ATPAF2: variants seen among roughly 807,000 people sequenced by gnomAD.
The protein encoded by ATPAF2 is ATP synthase mitochondrial F1 complex assembly factor 2.
ATPAF2 carries 30 observed loss-of-function variants against 36.6 expected under a neutral mutation model. The observed-to-expected ratio is 0.82, with a 90% CI of 0.61 to 1.11. The LOEUF (loss-of-function observed/expected upper bound fraction) is 1.11. Among genes scored for constraint, ATPAF2 ranks in the 50% most tolerant of loss-of-function variants. The pLI is 0.00. For missense variants in ATPAF2, 321 were observed against 372.3 expected (o/e 0.86, Z 1.13); for synonymous variants, 140 against 152.6 (o/e 0.92, Z 0.61).
downstream of ATPAF2, among the ~76,000 whole-genome samples, chr17:18,017,463 C>T (rs957903337): frequency 2.0e-5 from 3 of 152,230 alleles, no homozygotes; most frequent in African/African-American, 7.2e-5. Flanking sequence ...CTGCAGCTCC[C>T]ACCACAGTGC....
chr17:18,026,453 C>T (rs771481418), intron 3 of ATPAF2, 37 bp from the exon 4 acceptor site: 35 of 1,545,486 alleles, frequency 2.3e-5, no homozygotes, highest in Admixed American at 1.3e-4. Flanking sequence ...TCACTGCCTG[C>T]GGGGCTCAGG....
chr17:18,029,792 T>C (rs1195945161), intron 1 of ATPAF2, among the ~76,000 whole-genome samples: 1 of 145,164 alleles, frequency 6.9e-6, no homozygotes, highest in African/African-American at 2.6e-5. Context: ...AGTTTTGCCA[T>C]GCCAGCCAGG....
chr17:18,037,104 T>G (rs1287795796), intron 1 of ATPAF2, among the ~76,000 whole-genome samples: 1 of 152,044 alleles, frequency 6.6e-6, no homozygotes, highest in Non-Finnish European at 1.5e-5. Flanking sequence ...AATAAATAAA[T>G]TAATTAACCC....
downstream of ATPAF2, chr17:18,016,137 A>G (rs2044354274): frequency 1.2e-6 from 2 of 1,614,008 alleles, no homozygotes; most frequent in Non-Finnish European, 1.7e-6. Flanking sequence ...AAGATTGACA[A>G]TCGAGAAGAT....
rs1006631501 is a variant in ATPAF2, at chr17:18,021,067, C to G, written c.732+56G>C. 1.1e-5 allele frequency: 18 copies of G among 1,572,730 alleles called. No individual in the cohort carries two copies. The African/African-American group carries it at 1.8e-4, about 15-fold the overall frequency. On this transcript the variant is annotated intron_variant, in intron 7 of 7. Coordinates refer to ENST00000474627, the MANE Select transcript of ATPAF2 (RefSeq NM_145691.4). ...TATTTCAGATGGGTTAGCTGCTCCC[C>G]CAAAGTGAGTCTGAACTAGGAAGGG...
intron 3 of ATPAF2, among the ~76,000 whole-genome samples, chr17:18,027,413 G>C (rs2044563905): frequency 2.6e-5 from 4 of 152,084 alleles, no homozygotes; most frequent in Admixed American, 2.6e-4. Flanking sequence ...GCAGCGGCTG[G>C]GATGATAGCA....
downstream of ATPAF2, chr17:18,016,674 G>T: frequency 8.2e-6 from 13 of 1,594,746 alleles, no homozygotes; most frequent in Non-Finnish European, 1.1e-5. Context: ...TAGACTAGAT[G>T]AATGTCAGCC....
chr17:18,026,528 C>T (rs1227786759), intron 3 of ATPAF2, 112 bp from the exon 4 acceptor site: 3 of 839,170 alleles, frequency 3.6e-6, no homozygotes, highest in Non-Finnish European at 6.3e-6. Context: ...CAGCACAGCC[C>T]TCCACCAGAG....
At position 18,037,475 on chromosome 17, in the gene ATPAF2, T is replaced by C. The variant is rs8082271; in HGVS notation, c.133+1406A>G. ...GGCAGACGCCTGTAGTCCCACCTACTTGGGAGGCTGAGACCACAAAATCGC... is the reference window on the plus strand; with the variant it reads ...GGCAGACGCCTGTAGTCCCACCTACCTGGGAGGCTGAGACCACAAAATCGC... On this transcript the variant is annotated intron_variant, in intron 1 of 7. Transcript: ENST00000474627. 2.7e-3 allele frequency among the ~76,000 whole-genome samples: 412 copies of C among 152,184 alleles called. 2 individuals carry two copies. Among genetic ancestry groups the C allele is most frequent in the African/African-American group, 9.4e-3 (389 of 41,502 alleles).
At chr17:18,029,471 G>A (rs73303867) in intron 1 of ATPAF2, among the ~76,000 whole-genome samples, 118 of 152,268 alleles carry the variant, frequency 7.7e-4, no homozygotes, top group African/African-American at 2.6e-3. Context: ...TTGTTCACTC[G>A]TTCATGTGTT....
downstream of ATPAF2, chr17:18,016,259 C>A: frequency 1.3e-6 from 2 of 1,545,108 alleles, no homozygotes; most frequent in South Asian, 2.3e-5. Context: ...TGGAAATCCT[C>A]CCTAGGTAGT....
downstream of ATPAF2, chr17:18,017,892 ACATC>A (rs1568561318): frequency 6.5e-6 from 1 of 154,646 alleles, no homozygotes; most frequent in Non-Finnish European, 1.4e-5. Context: ...GGAAACATGC[ACATC>A]AGGTGACCTT....
At chr17:18,030,669 CTTT>C (rs545874481) in intron 1 of ATPAF2, among the ~76,000 whole-genome samples, 1 of 136,006 alleles carries the variant, frequency 7.4e-6, no homozygotes, top group Non-Finnish European at 1.6e-5. Context: ...TTTTCTTTTT[CTTT>C]TTTTTTTTTT....
intron 7 of ATPAF2, among the ~76,000 whole-genome samples, chr17:18,019,923 G>T (rs1166333388): frequency 6.6e-6 from 1 of 152,216 alleles, no homozygotes; most frequent in African/African-American, 2.4e-5. Flanking sequence ...CCCATAGTCA[G>T]AAGCAGAGCC....
At chr17:18,017,830 T>C (rs2044406493), downstream of ATPAF2, among the ~76,000 whole-genome samples, 1 of 152,156 alleles carries the variant, frequency 6.6e-6, no homozygotes, top group Non-Finnish European at 1.5e-5. Context: ...CCTGGGACAC[T>C]AGAGGTGGCT....
chr17:18,016,889 A>C, downstream of ATPAF2: 1 of 364,306 alleles, frequency 2.7e-6, no homozygotes, highest in Non-Finnish European at 4.9e-6. Flanking sequence ...AAAAAAAAAA[A>C]TCAGCTGGGT....
chr17:18,020,388 C>T (rs956110228), intron 7 of ATPAF2, among the ~76,000 whole-genome samples: 7 of 152,236 alleles, frequency 4.6e-5, no homozygotes, highest in African/African-American at 1.7e-4. Context: ...GTCATCTTGG[C>T]AGGGCCTGTT....
downstream of ATPAF2, chr17:18,016,085 ATTG>A (rs2044351866): frequency 2.5e-6 from 4 of 1,614,002 alleles, no homozygotes; most frequent in Non-Finnish European, 3.4e-6. Flanking sequence ...TAAAGATACG[ATTG>A]TTAATGCTGT....
downstream of ATPAF2, among the ~76,000 whole-genome samples, chr17:18,017,231 A>G (rs1022017009): frequency 2.7e-5 from 4 of 147,314 alleles, no homozygotes; most frequent in African/African-American, 7.5e-5. Flanking sequence ...AACAAGAGAA[A>G]GAGTTTGAGA....
Sources: allele counts gnomAD v4.1 joint callset (sites outside exome capture counted in the v4.1 genomes callset), GRCh38; gene constraint gnomAD v4.1.1; transcripts MANE v1.5; gene names NCBI Gene and HGNC (gene_info 2026-07-23, HGNC 2026-07-21).